Variants in PCDHA3 observed in about 807,000 individuals in gnomAD.
PCDHA3 encodes the protein protocadherin alpha-3.
A neutral mutation model predicts 62.2 loss-of-function variants in PCDHA3; 41 were observed. The observed-to-expected ratio is 0.66, with a 90% CI of 0.51 to 0.86. The LOEUF (loss-of-function observed/expected upper bound fraction) is 0.86. Ranked by LOEUF, PCDHA3 falls within the 40% of genes least tolerant of loss-of-function variation. The probability of loss-of-function intolerance (pLI) is 0.00; values close to 1 mark genes in which losing one functional copy is unlikely to be tolerated. For synonymous variants in PCDHA3, 640 were observed against 555.4 expected (o/e 1.15, Z -2.14); for missense variants, 1,304 against 1,241.2 (o/e 1.05, Z -0.76).
In PCDHA3 at chr5:140,848,613, G is replaced by A. The variant is rs147099629; in HGVS notation, c.2394+45022G>A. On this transcript the variant is annotated intron_variant, in intron 1 of 3. Coordinates refer to ENST00000522353, the MANE Select transcript of PCDHA3 (RefSeq NM_018906.3). ...CCACTACTCCGTCCCGGAGGAAGCC[G>A]AACACGGCACCTTCGTGGGCCGCAT... 4,268 of 1,587,382 alleles carry A rather than the reference G, an allele frequency of 2.7e-3. 465 individuals carry two copies. The highest frequency in any genetic ancestry group is 9.6e-3 in the Middle Eastern group (55 of 5,726).
Position 140,842,921 on chromosome 5 carries a change from C to T in PCDHA3, c.2394+39330C>T. 5 of 1,594,348 alleles carry T rather than the reference C, an allele frequency of 3.1e-6. 1 individual carries two copies. Among genetic ancestry groups the T allele is most frequent in the Non-Finnish European group, 4.3e-6 (5 of 1,165,382 alleles). On this transcript the variant is annotated intron_variant, in intron 1 of 3. Transcript: ENST00000522353. The stretch of plus-strand genomic sequence containing the variant: ...CGAGGAGCTAGAGCTGCTGCAGTTC[C>T]AGGTGAGCGCGCGCGACGCGGGCGT...
intron 1 of PCDHA3, chr5:140,823,759 G>GCCACAT: frequency 6.2e-7 from 1 of 1,613,910 alleles, no homozygotes; most frequent in Non-Finnish European, 8.5e-7. Flanking sequence ...GACAGCCACA[G>GCCACAT]CCACAGTGCT....
intron 1 of PCDHA3, chr5:140,853,991 C>A: frequency 2.1e-6 from 1 of 473,788 alleles, no homozygotes; most frequent in Non-Finnish European, 2.8e-6. Context: ...TAGTGAGACT[C>A]ATCTCTGCCA....
At chr5:140,912,897 G>GT (rs1364534308) in intron 1 of PCDHA3, among the ~76,000 whole-genome samples, 12 of 152,290 alleles carry the variant, frequency 7.9e-5, no homozygotes, top group Admixed American at 3.3e-4. Context: ...TTGATATGAT[G>GT]TATCATATTG....
At chr5:140,968,190 C>A (rs782155295) in intron 1 of PCDHA3, 2 of 1,613,954 alleles carry the variant, frequency 1.2e-6, no homozygotes, top group African/African-American at 2.7e-5. Flanking sequence ...GACTCCTATT[C>A]CATCTACATA....
intron 1 of PCDHA3, among the ~76,000 whole-genome samples, chr5:140,950,208 C>G (rs1377059178): frequency 1.3e-5 from 2 of 151,900 alleles, no homozygotes; most frequent in Non-Finnish European, 2.9e-5. Context: ...TTCTGTTTAC[C>G]TAGTCATTTA....
rs782209415 is a variant in PCDHA3 at position 140,803,426 on chromosome 5, C to T, written c.2229C>T (p.Ser743=). 2.4e-5 allele frequency: 38 copies of T among 1,614,080 alleles called. No individual in the cohort carries two copies. Among genetic ancestry groups the T allele is most frequent in the Non-Finnish European group, 4.2e-6 (5 of 1,180,052 alleles). The change falls in exon 1 of 4, where the codon AGC becomes AGT. Residue 743 remains serine (S), a synonymous_variant. Transcript: ENST00000522353. The part of the protein sequence containing the change: ...GPGKPTLVCS[S]AVGSWSYSQQ... ...GCAAGCCCACGCTGGTGTGCTCCAG[C>T]GCGGTGGGGAGCTGGTCATACTCGC...
chr5:140,927,822 T>A (rs1554205109), intron 1 of PCDHA3: 1 of 1,614,152 alleles, frequency 6.2e-7, no homozygotes, highest in Admixed American at 1.7e-5. Context: ...AGGCATACAT[T>A]GAGGCGAGGG....
intron 1 of PCDHA3, chr5:140,877,359 C>T: frequency 1.2e-6 from 2 of 1,614,010 alleles, no homozygotes; most frequent in South Asian, 1.1e-5. Context: ...TGTACACTGG[C>T]GAGATCAGCA....
chr5:140,927,299 T>C, intron 1 of PCDHA3: 4 of 1,614,086 alleles, frequency 2.5e-6, no homozygotes, highest in Middle Eastern at 1.6e-4. Context: ...ATCCCCGAGT[T>C]CCTGACGCCC....
chr5:140,882,475 AAGAC>A (rs2059154037), intron 1 of PCDHA3: 1 of 1,613,902 alleles, frequency 6.2e-7, no homozygotes, highest in Non-Finnish European at 8.5e-7. Flanking sequence ...TGGCGTCCAA[AAGAC>A]ACGGGGACCT....
intron 1 of PCDHA3, chr5:140,805,748 A>G: frequency 3.8e-6 from 1 of 262,866 alleles, no homozygotes; most frequent in Non-Finnish European, 5.9e-6. Context: ...ATTGAACTTG[A>G]AATACATCTT....
At chr5:140,988,851 C>T (rs2097316213) in intron 3 of PCDHA3, 1 of 152,174 alleles carries the variant, frequency 6.6e-6, no homozygotes, top group Admixed American at 6.5e-5. Context: ...TGAAACCTAT[C>T]CAGTCTCATG....
chr5:140,836,815 A>C, intron 1 of PCDHA3: 1 of 1,210,190 alleles, frequency 8.3e-7, no homozygotes, highest in Non-Finnish European at 1.1e-6. Flanking sequence ...TTCTTTCATA[A>C]TTTCTTTTTT....
At position 140,821,683 on chromosome 5, in the gene PCDHA3, A is replaced by C. The variant is rs2150110086; in HGVS notation, c.2394+18092A>C. ...GTGCCAAGAAGCTCAGAAAGGCGAT[A>C]ATATAAAAAATATATAGTTAATTGG... On this transcript the variant is annotated intron_variant, in intron 1 of 3. Transcript: ENST00000522353. 13 of 1,347,802 alleles carry C rather than the reference A, an allele frequency of 9.6e-6. No individual in the cohort carries two copies. In the South Asian group the frequency reaches 1.5e-4, roughly 15 times the overall value. 83.5% of individuals were successfully genotyped at this position (1,347,802 alleles called of 1,614,324 possible).
intron 1 of PCDHA3, chr5:140,864,553 T>C (rs575186227): frequency 3.0e-4 from 45 of 152,314 alleles, no homozygotes; most frequent in African/African-American, 1.1e-3. Context: ...TTCTTATAAT[T>C]TCATTTTAGG....
intron 1 of PCDHA3, chr5:140,822,891 C>T: frequency 6.2e-7 from 1 of 1,614,226 alleles, no homozygotes; most frequent in South Asian, 1.1e-5. Context: ...CTCTGATCAG[C>T]GTGTCTGACC....
At chr5:140,824,904 G>A (rs1768387762) in intron 1 of PCDHA3, 2 of 152,018 alleles carry the variant, frequency 1.3e-5, no homozygotes, top group South Asian at 2.1e-4. Flanking sequence ...TGCCTAAGCA[G>A]TTCACCTGTA....
intron 1 of PCDHA3, chr5:140,883,535 C>A: frequency 6.2e-7 from 1 of 1,614,248 alleles, no homozygotes; most frequent in South Asian, 1.1e-5. Flanking sequence ...AGCCTATGAA[C>A]TGGTGGTGAC....
Sources: gnomAD v4.1 joint callset for allele counts (sites outside exome capture counted in the v4.1 genomes callset) on GRCh38, gnomAD v4.1.1 for gene constraint, MANE v1.5 for transcripts, NCBI Gene and HGNC (gene_info 2026-07-23, HGNC 2026-07-21) for gene names.